The following ZNRF4 variants were observed in gnomAD, a reference collection of about 807,000 sequenced individuals.
The protein encoded by ZNRF4 is zinc and ring finger 4.
For missense variants in ZNRF4, 569 were observed against 609.4 expected, an observed-to-expected ratio of 0.93 and a Z score of 0.70; for synonymous variants, 291 against 285.9, an observed-to-expected ratio of 1.02 and a Z score of -0.18.
rs114642772 is a variant in ZNRF4 at position 5,456,845 on chromosome 19, T to G, written c.*64T>G. ...TCTGGTCTGAAAAGAATAAAGTGGGTTTGAAAGCGGATTCTCAGCCTCGCT... is the reference window on the plus strand; with the variant it reads ...TCTGGTCTGAAAAGAATAAAGTGGGGTTGAAAGCGGATTCTCAGCCTCGCT... On this transcript the variant is annotated 3_prime_UTR_variant, in exon 1 of 1. Transcript: ENST00000222033. 3.0e-3 allele frequency: 4,254 copies of G among 1,435,230 alleles called. 106 individuals are homozygous for G. In the African/African-American group the frequency reaches 0.054, roughly 18 times the overall value. The allele number at this position is 1,435,230 out of a possible 1,614,324, so 88.9% of individuals were successfully genotyped here.
Position 5,455,443 on chromosome 19 carries a change from G to C in ZNRF4, c.-49G>C, listed in dbSNP as rs950164179. 3 of 1,534,376 alleles carry C rather than the reference G, an allele frequency of 2.0e-6. No homozygotes were observed. Among genetic ancestry groups the C allele is most frequent in the Non-Finnish European group, 2.6e-6 (3 of 1,141,538 alleles). ...TGGTCTCCATGTCATCTGCCAGAAA[G>C]GCCACCTGCGCCAGCACCTCCTGAG... is the stretch of plus-strand genomic sequence containing the variant. On this transcript the variant is annotated 5_prime_UTR_variant, in exon 1 of 1. Coordinates refer to ENST00000222033, the MANE Select transcript of ZNRF4 (RefSeq NM_181710.4).
chr19:5,456,143 G>T lies in ZNRF4; in HGVS notation c.652G>T (p.Ala218Ser). 1.2e-6 allele frequency: 2 copies of T among 1,607,058 alleles called. No homozygotes were observed. The highest frequency in any genetic ancestry group is 1.7e-6 in the Non-Finnish European group (2 of 1,179,840). ...CCCCTCAGTGTTCGTGAGCGAGGCCGCCTCGCAGGACCTGCGGGTCATCCT... is the reference window on the plus strand; with the variant it reads ...CCCCTCAGTGTTCGTGAGCGAGGCCTCCTCGCAGGACCTGCGGGTCATCCT... ...AIPSVFVSEAASQDLRVILGC... is the reference protein window; with the variant it reads ...AIPSVFVSEASSQDLRVILGC... Residue 218 changes from alanine to serine, a missense_variant, in exon 1 of 1, where the codon GCC becomes TCC. Ala to Ser is a moderately conservative substitution (Grantham distance 99). Transcript: ENST00000222033.
rs777218048 is a variant in ZNRF4, at chr19:5,455,630, A to C, written c.139A>C (p.Arg47=). ...PGHRPPGRPR[R]CPKASCLPPP... ...CCACAGGCCCCCTGGGAGACCCCGGAGATGCCCAAAGGCCTCATGCCTGCC... is the reference window on the plus strand; with the variant it reads ...CCACAGGCCCCCTGGGAGACCCCGGCGATGCCCAAAGGCCTCATGCCTGCC... Residue 47 remains arginine, a synonymous_variant, in exon 1 of 1, where the codon AGA becomes CGA. Transcript: ENST00000222033. 31 of 1,610,764 alleles carry C rather than the reference A, an allele frequency of 1.9e-5. No homozygotes were observed. The Admixed American group carries it at 5.2e-4, about 27-fold the overall frequency.
rs374979065 is a variant in ZNRF4 at position 5,455,798 on chromosome 19, G to A, written c.307G>A (p.Val103Met). The change falls in exon 1 of 1, where the codon GTG becomes ATG. Residue 103 changes from valine to methionine, a missense_variant. Coordinates refer to ENST00000222033, the MANE Select transcript of ZNRF4 (RefSeq NM_181710.4). Reference sequence around the variant, plus strand: ...GCCCGCGCAGGCAGTGGTACGGGCCGTGCTGGAAGACAACTCGAGCTCGGT... The same window carrying A: ...GCCCGCGCAGGCAGTGGTACGGGCCATGCTGGAAGACAACTCGAGCTCGGT... ...QVPAQAVVRA[V>M]LEDNSSSVDF... 2.6e-4 allele frequency: 424 copies of A among 1,604,022 alleles called. No homozygotes were observed. The highest frequency in any genetic ancestry group is 5.3e-4 in the Admixed American group (32 of 60,022).
At position 5,456,622 on chromosome 19, in the gene ZNRF4, G is replaced by T. The variant is rs369259052; in HGVS notation, c.1131G>T (p.Pro377=). The T allele has an allele frequency of 4.3e-6, 7 of 1,613,076 alleles. No homozygotes were observed. In the Admixed American group the frequency reaches 1.0e-4, roughly 23 times the overall value. Residue 377 remains proline (P), a synonymous_variant, in exon 1 of 1, where the codon CCG becomes CCT. Transcript: ENST00000222033. ...TCAGGGACGAGGACCCCTCCCTACC[G>T]GGCCACCGGCCCCCCATCTGGGCCA... The part of the protein sequence containing the change: ...YSFRDEDPSL[P]GHRPPIWAIQ...
chr19:5,456,559 C>A lies in ZNRF4; in HGVS notation c.1068C>A (p.Ala356=), dbSNP rs377277030. 162 of 1,614,000 alleles carry A rather than the reference C, an allele frequency of 1.0e-4. No homozygotes were observed. Among genetic ancestry groups the A allele is most frequent in the Non-Finnish European group, 1.3e-4 (159 of 1,179,992 alleles). Residue 356 remains alanine, a synonymous_variant, in exon 1 of 1, where the codon GCC becomes GCA. Transcript: ENST00000222033. ...GCCCCGTGTGCAAACAGTCGGTGGC[C>A]GCCACAGAAGACAGCTTTGACTCCA... ...RSCPVCKQSV[A]ATEDSFDSTT... is the part of the protein sequence containing the mutation.
Position 5,456,383 on chromosome 19 carries a change from C to G in ZNRF4, c.892C>G (p.Gln298Glu). 6.2e-7 allele frequency: 1 copy of G among 1,613,416 alleles called. No individual in the cohort carries two copies. The highest frequency in any genetic ancestry group is 8.5e-7 in the Non-Finnish European group (1 of 1,180,040). ...GAAGACGTCTACCTGCCAGAAGGCC[C>G]AGGTCCGCACCTTCACGTGGCACAA... Reference protein sequence around the residue: ...PVKTSTCQKAQVRTFTWHNDL... With the variant: ...PVKTSTCQKAEVRTFTWHNDL... The change falls in exon 1 of 1, where the codon CAG (glutamine) becomes GAG (glutamate). Residue 298 changes from glutamine to glutamate, a missense_variant. Coordinates refer to ENST00000222033, the MANE Select transcript of ZNRF4 (RefSeq NM_181710.4).
chr19:5,456,744 C>A lies in ZNRF4; in HGVS notation c.1253C>A (p.Thr418Asn). Residue 418 changes from threonine (T) to asparagine (N), a missense_variant, in exon 1 of 1, where the codon ACT becomes AAT. By Grantham distance (65) the Thr-to-Asn change is moderately conservative. Coordinates refer to ENST00000222033, the MANE Select transcript of ZNRF4 (RefSeq NM_181710.4). ...STTSLEAEYT[T>N]VSSAPPEAPG... is the part of the protein sequence containing the mutation. ...ACGTCCCTGGAGGCAGAGTATACCA[C>A]TGTCTCCTCAGCCCCTCCTGAGGCC... 1 of 1,588,684 alleles carries A rather than the reference C, an allele frequency of 6.3e-7. No homozygotes were observed. The highest frequency in any genetic ancestry group is 8.6e-7 in the Non-Finnish European group (1 of 1,163,366).
Position 5,455,705 on chromosome 19 carries a change from G to A in ZNRF4, c.214G>A (p.Gly72Arg), listed in dbSNP as rs763153212. The A allele has an allele frequency of 1.2e-6, 2 of 1,607,902 alleles. No homozygotes were observed. The highest frequency in any genetic ancestry group is 2.2e-5 in the East Asian group (1 of 44,874). Residue 72 changes from glycine (G) to arginine (R), a missense_variant, in exon 1 of 1, where the codon GGG becomes AGG. Physicochemically the swap from Gly to Arg is moderately radical, Grantham distance 125. Coordinates refer to ENST00000222033, the MANE Select transcript of ZNRF4 (RefSeq NM_181710.4). ...ACAGACAGCGAAGCGGGTGACCATG[G>A]GGTGGCCACGGCCGGGCCGAGCCCT... The part of the protein sequence containing the change: ...STQTAKRVTM[G>R]WPRPGRALVA...
rs745958385 is a variant in ZNRF4 at position 5,455,866 on chromosome 19, C to A, written c.375C>A (p.Ala125=). The change falls in exon 1 of 1, where the codon GCC becomes GCA. Residue 125 remains alanine (A), a synonymous_variant. Transcript: ENST00000222033. ...DLPALFGVPL[A]PEGIRGYLME... is the part of the protein sequence containing the mutation. Reference sequence around the variant, plus strand: ...CGGCGCTGTTCGGCGTCCCCCTGGCCCCCGAGGGCATACGGGGCTACCTGA... The same window carrying A: ...CGGCGCTGTTCGGCGTCCCCCTGGCACCCGAGGGCATACGGGGCTACCTGA... The A allele has an allele frequency of 4.4e-6, 7 of 1,603,678 alleles. No homozygotes were observed. The highest frequency in any genetic ancestry group is 1.1e-5 in the South Asian group (1 of 91,044).
Position 5,456,638 on chromosome 19 carries a change from A to C in ZNRF4, c.1147A>C (p.Ile383Leu), listed in dbSNP as rs777700620. Reference sequence around the variant, plus strand: ...CTCCCTACCGGGCCACCGGCCCCCCATCTGGGCCATTCAAGTCCAGCTACG... The same window carrying C: ...CTCCCTACCGGGCCACCGGCCCCCCCTCTGGGCCATTCAAGTCCAGCTACG... ...DPSLPGHRPP[I>L]WAIQVQLRSR... The change falls in exon 1 of 1, where the codon ATC becomes CTC. Residue 383 changes from isoleucine (I) to leucine (L), a missense_variant. Transcript: ENST00000222033. 4 of 1,613,556 alleles carry C rather than the reference A, an allele frequency of 2.5e-6. No individual in the cohort carries two copies. The African/African-American group carries it at 5.3e-5, about 22-fold the overall frequency.
chr19:5,456,007 G>T lies in ZNRF4; in HGVS notation c.516G>T (p.Val172=). ...RRYDCTFDLK[V]LNAQRAGFEA... is the part of the protein sequence containing the mutation. ...ACGACTGCACCTTCGACCTCAAGGT[G>T]CTGAACGCCCAGCGCGCCGGCTTCG... is the stretch of plus-strand genomic sequence containing the variant. The change falls in exon 1 of 1, where the codon GTG becomes GTT. Residue 172 remains valine, a synonymous_variant. Coordinates refer to ENST00000222033, the MANE Select transcript of ZNRF4 (RefSeq NM_181710.4). The T allele has an allele frequency of 6.2e-7, 1 of 1,600,886 alleles. No individual in the cohort carries two copies. Among genetic ancestry groups the T allele is most frequent in the Non-Finnish European group, 8.5e-7 (1 of 1,179,774 alleles).
rs868610227 is a variant in ZNRF4, at chr19:5,456,847, T to C, written c.*66T>C. 1 of 1,428,670 alleles carries C rather than the reference T, an allele frequency of 7.0e-7. No homozygotes were observed. The highest frequency in any genetic ancestry group is 2.0e-4 in the Middle Eastern group (1 of 5,044). The allele number at this position is 1,428,670 out of a possible 1,614,324, so 88.5% of individuals were successfully genotyped here. A position where few individuals can be genotyped will look rare whatever the true frequency, so the allele number is the denominator to read the frequency against. On this transcript the variant is annotated 3_prime_UTR_variant, in exon 1 of 1. Transcript: ENST00000222033. ...TGGTCTGAAAAGAATAAAGTGGGTT[T>C]GAAAGCGGATTCTCAGCCTCGCTGC...
rs1463984775 is a variant in ZNRF4, at chr19:5,455,818, C to T, written c.327C>T (p.Ser109=). 1 of 1,604,246 alleles carries T rather than the reference C, an allele frequency of 6.2e-7. No individual in the cohort carries two copies. The highest frequency in any genetic ancestry group is 8.5e-7 in the Non-Finnish European group (1 of 1,179,870). The change falls in exon 1 of 1, where the codon AGC becomes AGT. Residue 109 remains serine (S), a synonymous_variant. Transcript: ENST00000222033. ...VVRAVLEDNS[S]SVDFADLPAL... ...GGGCCGTGCTGGAAGACAACTCGAG[C>T]TCGGTGGACTTTGCGGATCTGCCGG... is the stretch of plus-strand genomic sequence containing the variant.
Position 5,456,697 on chromosome 19 carries a change from T to C in ZNRF4, c.1206T>C (p.Ser402=), listed in dbSNP as rs1379212965. The C allele has an allele frequency of 6.2e-7, 1 of 1,612,524 alleles. No individual in the cohort carries two copies. The highest frequency in any genetic ancestry group is 2.2e-5 in the East Asian group (1 of 44,812). The change falls in exon 1 of 1, where the codon AGT becomes AGC. Residue 402 remains serine (S), a synonymous_variant. Transcript: ENST00000222033. Reference sequence around the variant, plus strand: ...GGCTGGAGCTGCTGGGCCGCGCCAGTCCCCACTGCCACTGCAGCACCACGT... The same window carrying C: ...GGCTGGAGCTGCTGGGCCGCGCCAGCCCCCACTGCCACTGCAGCACCACGT... ...SRRLELLGRA[S]PHCHCSTTSL... is the part of the protein sequence containing the mutation.
In ZNRF4 at chr19:5,455,445, C is replaced by T; in HGVS notation, c.-47C>T. ...GTCTCCATGTCATCTGCCAGAAAGG[C>T]CACCTGCGCCAGCACCTCCTGAGAC... is the stretch of plus-strand genomic sequence containing the variant. On this transcript the variant is annotated 5_prime_UTR_variant, in exon 1 of 1. Transcript: ENST00000222033. 6.5e-7 allele frequency: 1 copy of T among 1,535,364 alleles called. No homozygotes were observed. Among genetic ancestry groups the T allele is most frequent in the Non-Finnish European group, 8.8e-7 (1 of 1,142,018 alleles).
At position 5,456,323 on chromosome 19, in the gene ZNRF4, T is replaced by C; in HGVS notation, c.832T>C (p.Trp278Arg). The C allele has an allele frequency of 6.2e-7, 1 of 1,613,848 alleles. No individual in the cohort carries two copies. ...CTTTGTCCTGAACCACCTGTGGCTC[T>C]GGGCCCAGGCCTGCTGCAGCCACAG... Reference protein sequence around the residue: ...AFFVLNHLWLWAQACCSHRRP... With the variant: ...AFFVLNHLWLRAQACCSHRRP... Residue 278 changes from tryptophan to arginine, a missense_variant, in exon 1 of 1, where the codon TGG (tryptophan) becomes CGG (arginine). Transcript: ENST00000222033.
At position 5,455,551 on chromosome 19, in the gene ZNRF4, G is replaced by A. The variant is rs147873454; in HGVS notation, c.60G>A (p.Ala20=). Residue 20 remains alanine (A), a synonymous_variant, in exon 1 of 1, where the codon GCG becomes GCA. Transcript: ENST00000222033. ...MPRASRVPVA[A]SLPLSHAVIP... The stretch of plus-strand genomic sequence containing the variant: ...GAGCCAGCAGGGTCCCAGTGGCCGC[G>A]TCACTGCCTCTGAGCCACGCGGTCA... The A allele has an allele frequency of 1.1e-5, 18 of 1,612,692 alleles. No homozygotes were observed. The highest frequency in any genetic ancestry group is 3.3e-5 in the South Asian group (3 of 91,076).
Position 5,456,436 on chromosome 19 carries a change from G to A in ZNRF4, c.945G>A (p.Glu315=), listed in dbSNP as rs2051618900. ...ACCTGTGTGCCATCTGCCTGGATGAGTATGAGGAGGGCGACCAACTCAAGA... is the reference window on the plus strand; with the variant it reads ...ACCTGTGTGCCATCTGCCTGGATGAATATGAGGAGGGCGACCAACTCAAGA... ...HNDLCAICLD[E]YEEGDQLKIL... Residue 315 remains glutamate (E), a synonymous_variant, in exon 1 of 1, where the codon GAG becomes GAA. Transcript: ENST00000222033. The A allele has an allele frequency of 1.2e-6, 2 of 1,613,836 alleles. No individual in the cohort carries two copies. Among genetic ancestry groups the A allele is most frequent in the Admixed American group, 1.7e-5 (1 of 60,020 alleles).
Sources: allele counts gnomAD v4.1 joint callset, GRCh38; gene constraint gnomAD v4.1.1; transcripts MANE v1.5; gene names NCBI Gene and HGNC (gene_info 2026-07-23, HGNC 2026-07-21).